The following TUFT1 variants were observed in gnomAD, a reference collection of about 807,000 sequenced individuals.
TUFT1 encodes tuftelin.
TUFT1 carries 43 observed loss-of-function variants against 57.8 expected under a neutral mutation model. That is an observed-to-expected ratio of 0.74 (90% confidence interval 0.58 to 0.96). The LOEUF is 0.96. Ranked by LOEUF, TUFT1 falls within the 40% of genes least tolerant of loss-of-function variation. The pLI is 0.00. For missense variants in TUFT1, 459 were observed against 489.0 expected, an observed-to-expected ratio of 0.94 and a Z score of 0.58; for synonymous variants, 166 against 176.7, an observed-to-expected ratio of 0.94 and a Z score of 0.48.
chr1:151,564,053 G>T, intron 4 of TUFT1, 63 bp downstream of exon 4: 1 of 1,357,012 alleles, frequency 7.4e-7, no homozygotes, highest in Non-Finnish European at 1.0e-6. Context: ...CATTTTTTGT[G>T]ACTGTCTTCT....
chr1:151,561,971 G>A, intron 1 of TUFT1, 120 bp from the exon 2 acceptor site: 3 of 1,486,026 alleles, frequency 2.0e-6, no homozygotes, highest in Non-Finnish European at 2.8e-6. Flanking sequence ...CCTAGTCTGT[G>A]AAGTGGTGAT....
rs1315260028 is a variant in TUFT1, at chr1:151,580,929, G to T, written c.1009-13G>T. ...GAAAAAGGCCAACTCTAACCCCTAA[G>T]CTTGTGTTACAGAATTTAGAGATGC... On this transcript the variant is annotated splice_polypyrimidine_tract_variant and intron_variant, in intron 11 of 12. Transcript: ENST00000368849. The T allele has an allele frequency of 2.5e-6, 4 of 1,613,456 alleles. No homozygotes were observed. In the African/African-American group the frequency reaches 5.3e-5, roughly 22 times the overall value.
intron 1 of TUFT1, among the ~76,000 whole-genome samples, chr1:151,559,854 C>T (rs1024846963): frequency 6.6e-6 from 1 of 151,874 alleles, no homozygotes; most frequent in Non-Finnish European, 1.5e-5. Flanking sequence ...AGTGCAGTGG[C>T]GCGATCTCAG....
intron 1 of TUFT1, chr1:151,557,794 C>G (rs1266475202): frequency 7.9e-6 from 6 of 760,072 alleles, no homozygotes; most frequent in Non-Finnish European, 1.5e-5. Flanking sequence ...GCAAGACTCA[C>G]AAGAGGGAAA....
At position 151,578,707 on chromosome 1, in the gene TUFT1, G is replaced by T. The variant is rs1666556496; in HGVS notation, c.819-14G>T. The T allele has an allele frequency of 6.5e-7, 1 of 1,548,776 alleles. No homozygotes were observed. Among genetic ancestry groups the T allele is most frequent in the Middle Eastern group, 1.9e-4 (1 of 5,264 alleles). ...CTTGTTCCATTGCCTCAGCCTTCTGGTCTTTATCCCCAGGGCTGCTACCCT... is the reference window on the plus strand; with the variant it reads ...CTTGTTCCATTGCCTCAGCCTTCTGTTCTTTATCCCCAGGGCTGCTACCCT... On this transcript the variant is annotated splice_polypyrimidine_tract_variant and intron_variant, in intron 9 of 12. Transcript: ENST00000368849.
rs2102552690 is a variant in TUFT1 at position 151,574,403 on chromosome 1, C to T, written c.723+5C>T. On this transcript the variant is annotated splice_donor_5th_base_variant and intron_variant, in intron 8 of 12. Coordinates refer to ENST00000368849, the MANE Select transcript of TUFT1 (RefSeq NM_020127.3). ...CGCTTGCTAGGGATGGAGACGGTAA[C>T]CGGGGGATCTTGCTTGTCAGTGCCT... is the stretch of plus-strand genomic sequence containing the variant. 1 of 1,613,850 alleles carries T rather than the reference C, an allele frequency of 6.2e-7. No individual in the cohort carries two copies. Among genetic ancestry groups the T allele is most frequent in the South Asian group, 1.1e-5 (1 of 91,054 alleles).
chr1:151,550,502 G>A (rs942375052), intron 1 of TUFT1, among the ~76,000 whole-genome samples: 6 of 151,198 alleles, frequency 4.0e-5, no homozygotes, highest in Non-Finnish European at 8.8e-5. Context: ...GCACCACCAG[G>A]CCCAGCTAAT....
intron 1 of TUFT1, among the ~76,000 whole-genome samples, chr1:151,541,490 G>A (rs1665165807): frequency 6.6e-6 from 1 of 152,022 alleles, no homozygotes; most frequent in Non-Finnish European, 1.5e-5. Flanking sequence ...GAAAACTAAG[G>A]TGATGGGGAA....
chr1:151,551,416 CGGG>C (rs1665504521), intron 1 of TUFT1, among the ~76,000 whole-genome samples: 1 of 151,864 alleles, frequency 6.6e-6, no homozygotes, highest in South Asian at 2.1e-4. Flanking sequence ...ATGATTTTCT[CGGG>C]GGAGATGAAT....
rs766869163 is a variant in TUFT1 at position 151,583,080 on chromosome 1, T to A, written c.*1373T>A. ...CCTCCCGAGTAGCTGGGACTACAGG[T>A]GTGCCACCACGCCTGGCTGATTTTT... is the stretch of plus-strand genomic sequence containing the variant. On this transcript the variant is annotated 3_prime_UTR_variant, in exon 13 of 13. Transcript: ENST00000368849. 2.0e-5 allele frequency: 3 copies of A among 151,990 alleles called. No individual in the cohort carries two copies. Among genetic ancestry groups the A allele is most frequent in the Non-Finnish European group, 4.4e-5 (3 of 68,072 alleles). 9.4% of individuals were successfully genotyped at this position (151,990 alleles called of 1,614,324 possible).
chr1:151,543,327 A>ATGTGTGTG (rs10626781), intron 1 of TUFT1, among the ~76,000 whole-genome samples: 199 of 146,854 alleles, frequency 1.4e-3, no homozygotes, highest in Middle Eastern at 3.5e-3. Context: ...TTATATATAT[A>ATGTGTGTG]TGTGTGTGTG....
At chr1:151,574,760 A>C in intron 8 of TUFT1, 151 bp from the exon 9 acceptor site, 1 of 694,992 alleles carries the variant, frequency 1.4e-6, no homozygotes, top group Non-Finnish European at 2.4e-6. Context: ...TCATCAAGGG[A>C]TGGCTCCCCA....
Position 151,581,017 on chromosome 1 carries a change from CG to C in TUFT1, c.1087del (p.Ala363ProfsTer60). On this transcript the variant is annotated frameshift_variant, in exon 12 of 13. Transcript: ENST00000368849. LOFTEE classifies it high-confidence loss of function. ...ISHGNFSTQARAKTENPGSIR... is the reference protein window; with the variant it reads ...ISHGNFSTQAXAKTENPGSIR... ...TCATGGCAACTTCAGCACCCAGGCC[CG>C]GGCCAAGACAGAGAACCCGGGCAGG... is the stretch of plus-strand genomic sequence containing the variant. 6 of 1,614,064 alleles carry C rather than the reference CG, an allele frequency of 3.7e-6. No individual in the cohort carries two copies. The highest frequency in any genetic ancestry group is 5.1e-6 in the Non-Finnish European group (6 of 1,179,996).
At chr1:151,578,435 G>A (rs1053827905) in intron 9 of TUFT1, among the ~76,000 whole-genome samples, 14 of 152,038 alleles carry the variant, frequency 9.2e-5, no homozygotes, top group African/African-American at 2.9e-4. Flanking sequence ...TCAGCCTCCT[G>A]AGTAGCTGGG....
intron 7 of TUFT1, among the ~76,000 whole-genome samples, chr1:151,573,903 G>A (rs1444919306): frequency 6.6e-6 from 1 of 152,162 alleles, no homozygotes; most frequent in Non-Finnish European, 1.5e-5. Flanking sequence ...TATCCTCCCT[G>A]GGATTATTTG....
rs115419376 is a variant in TUFT1 at position 151,549,334 on chromosome 1, G to A, written c.60+8908G>A. On this transcript the variant is annotated intron_variant, in intron 1 of 12. Coordinates refer to ENST00000368849, the MANE Select transcript of TUFT1 (RefSeq NM_020127.3). ...CAGGCAGAGAGGAGCCCCAGGATTT[G>A]CTCCTTGACTCTGGGTTGGGGGTGC... Among the ~76,000 whole-genome samples, 1,464 of 152,270 alleles carry A rather than the reference G, an allele frequency of 9.6e-3. 32 individuals are homozygous for A. The highest frequency in any genetic ancestry group is 0.034 in the African/African-American group (1,412 of 41,542).
intron 5 of TUFT1, 87 bp downstream of exon 5, chr1:151,564,701 C>T: frequency 9.3e-7 from 1 of 1,079,122 alleles, no homozygotes; most frequent in Non-Finnish European, 1.4e-6. Flanking sequence ...CCAGTGTGTG[C>T]TAAATCTAGC....
intron 3 of TUFT1, 140 bp downstream of exon 3, chr1:151,562,826 A>G (rs1665940451): frequency 1.5e-6 from 1 of 678,346 alleles, no homozygotes; most frequent in Non-Finnish European, 2.6e-6. Flanking sequence ...GTTCCTGGCA[A>G]TCTCCTAGAA....
intron 4 of TUFT1, 121 bp from the exon 5 acceptor site, chr1:151,564,404 G>GC: frequency 1.5e-6 from 1 of 685,914 alleles, no homozygotes; most frequent in East Asian, 2.7e-5. Context: ...CCATCCTGCA[G>GC]CCAGTCGTTA....
Sources: allele counts gnomAD v4.1 joint callset (sites outside exome capture counted in the v4.1 genomes callset), GRCh38; gene constraint gnomAD v4.1.1; transcripts MANE v1.5; gene names NCBI Gene and HGNC (gene_info 2026-07-23, HGNC 2026-07-21).